B3GALT6: variants seen among roughly 807,000 people sequenced by gnomAD.
B3GALT6 encodes GAG GalTII.
Under a neutral mutation model 23.3 loss-of-function variants are expected in B3GALT6, and 27 were observed. The ratio of observed to expected loss-of-function variants is 1.16; its 90% CI spans 0.85 to 1.60. B3GALT6 has a LOEUF of 1.60. Among genes scored for constraint, B3GALT6 ranks in the 40% most tolerant of loss-of-function variants. The pLI, the probability that B3GALT6 is intolerant of heterozygous loss-of-function variation, is 0.00. For synonymous variants in B3GALT6, 313 were observed against 232.3 expected (o/e 1.35, Z -3.16); for missense variants, 554 against 471.1 (o/e 1.18, Z -1.63).
In B3GALT6 at chr1:1,232,786, C is replaced by T. The variant is rs759484127; in HGVS notation, c.508C>T (p.Leu170=). 28 of 1,376,714 alleles carry T rather than the reference C, an allele frequency of 2.0e-5. 1 individual carries two copies. In the Admixed American group the frequency reaches 3.1e-4, roughly 15 times the overall value. The allele number at this position is 1,376,714 out of a possible 1,614,324, so 85.3% of individuals were successfully genotyped here. The change falls in exon 1 of 1, where the codon CTG becomes TTG. Residue 170 remains leucine (L), a synonymous_variant. Coordinates refer to ENST00000379198, the MANE Select transcript of B3GALT6 (RefSeq NM_080605.4). ...FARLDALLAE[L]RAREPARRRR... ...GCGGCTGGACGCGCTGCTGGCCGAG[C>T]TGCGCGCCCGCGAGCCCGCGCGCCG...
In B3GALT6 at chr1:1,232,515, G is replaced by A; in HGVS notation, c.237G>A (p.Thr79=). The change falls in exon 1 of 1, where the codon ACG becomes ACA. Residue 79 remains threonine (T), a synonymous_variant. Coordinates refer to ENST00000379198, the MANE Select transcript of B3GALT6 (RefSeq NM_080605.4). ...AAERRSVIRS[T]WLARRGAPGD... ...AGCGCCGCAGCGTGATCCGCAGCAC[G>A]TGGCTTGCGCGGCGCGGGGCCCCGG... The A allele has an allele frequency of 8.9e-7, 1 of 1,119,874 alleles. No homozygotes were observed. The highest frequency in any genetic ancestry group is 1.1e-6 in the Non-Finnish European group (1 of 917,516). The allele number at this position is 1,119,874 out of a possible 1,614,324, so 69.4% of individuals were successfully genotyped here.
At position 1,233,596 on chromosome 1, in the gene B3GALT6, A is replaced by G. The variant is rs1271084804; in HGVS notation, c.*328A>G. 1.4e-5 allele frequency: 4 copies of G among 294,286 alleles called. No homozygotes were observed. Among genetic ancestry groups the G allele is most frequent in the Non-Finnish European group, 2.0e-5 (3 of 150,036 alleles). The allele number at this position is 294,286 out of a possible 1,614,324, so 18.2% of individuals were successfully genotyped here. A position where few individuals can be genotyped will look rare whatever the true frequency, so the allele number is the denominator to read the frequency against. ...GTGGCGTTTCTCACGTCTGCGTCTC[A>G]GATCTAACGTGGTTTCACATCAATC... On this transcript the variant is annotated 3_prime_UTR_variant, in exon 1 of 1. Coordinates refer to ENST00000379198, the MANE Select transcript of B3GALT6 (RefSeq NM_080605.4).
In B3GALT6 at chr1:1,232,923, C is replaced by T. The variant is rs1354160280; in HGVS notation, c.645C>T (p.Gly215=). The T allele has an allele frequency of 1.9e-6, 3 of 1,564,976 alleles. No homozygotes were observed. The highest frequency in any genetic ancestry group is 2.6e-6 in the Non-Finnish European group (3 of 1,164,530). ...ACTACTACCTGCCCTACGCGCTGGG[C>T]GGCGGCTACGTGCTCTCGGCCGACC... The part of the protein sequence containing the change: ...LCDYYLPYAL[G]GGYVLSADLV... Residue 215 remains glycine (G), a synonymous_variant, in exon 1 of 1, where the codon GGC becomes GGT. Transcript: ENST00000379198.
At position 1,232,255 on chromosome 1, in the gene B3GALT6, G is replaced by A. The variant is rs1638527033; in HGVS notation, c.-24G>A. Reference sequence around the variant, plus strand: ...CCTGCGCACTCGCGAGTCCGGCCTGGGCCGCCGGCCCGGCGCGGGCGCCAT... The same window carrying A: ...CCTGCGCACTCGCGAGTCCGGCCTGAGCCGCCGGCCCGGCGCGGGCGCCAT... On this transcript the variant is annotated 5_prime_UTR_variant, in exon 1 of 1. Coordinates refer to ENST00000379198, the MANE Select transcript of B3GALT6 (RefSeq NM_080605.4). The A allele has an allele frequency of 1.0e-6, 1 of 980,758 alleles. No individual in the cohort carries two copies. Among genetic ancestry groups the A allele is most frequent in the Non-Finnish European group, 1.2e-6 (1 of 828,260 alleles). 60.8% of individuals were successfully genotyped at this position (980,758 alleles called of 1,614,324 possible).
Position 1,233,338 on chromosome 1 carries a change from C to T in B3GALT6, c.*70C>T, listed in dbSNP as rs1638581165. On this transcript the variant is annotated 3_prime_UTR_variant, in exon 1 of 1. Transcript: ENST00000379198. ...CGCCTTGGGGCAGGTGCCGAGCGGG[C>T]GCACTACGCCCGGGCCCCAAGGCCC... 2.9e-6 allele frequency: 4 copies of T among 1,379,860 alleles called. No individual in the cohort carries two copies. The highest frequency in any genetic ancestry group is 1.6e-5 in the South Asian group (1 of 60,984). The allele number at this position is 1,379,860 out of a possible 1,614,324, so 85.5% of individuals were successfully genotyped here.
rs961857625 is a variant in B3GALT6, at chr1:1,233,536, C to T, written c.*268C>T. 1 of 378,074 alleles carries T rather than the reference C, an allele frequency of 2.6e-6. No individual in the cohort carries two copies. Among genetic ancestry groups the T allele is most frequent in the Admixed American group, 4.7e-5 (1 of 21,120 alleles). 23.4% of individuals were successfully genotyped at this position (378,074 alleles called of 1,614,324 possible). A position where few individuals can be genotyped will look rare whatever the true frequency, so the allele number is the denominator to read the frequency against. ...CCCCGTGCTGTCCCCGACCGGCTCA[C>T]GGGGCTGGGCTCCGATCTTCCGTGT... On this transcript the variant is annotated 3_prime_UTR_variant, in exon 1 of 1. Transcript: ENST00000379198.
rs761368268 is a variant in B3GALT6 at position 1,233,277 on chromosome 1, G to C, written c.*9G>C. On this transcript the variant is annotated 3_prime_UTR_variant, in exon 1 of 1. Transcript: ENST00000379198. ...GGGAGGGCATCCCCTGAGCCGCCGC[G>C]GCCCGGCCCTCCGGGACACCTGCTT... is the stretch of plus-strand genomic sequence containing the variant. 9.7e-6 allele frequency: 14 copies of C among 1,437,944 alleles called. No homozygotes were observed. In the East Asian group the frequency reaches 3.3e-4, roughly 34 times the overall value. The allele number at this position is 1,437,944 out of a possible 1,614,324, so 89.1% of individuals were successfully genotyped here. A position where few individuals can be genotyped will look rare whatever the true frequency, so the allele number is the denominator to read the frequency against.
At position 1,233,099 on chromosome 1, in the gene B3GALT6, A is replaced by G. The variant is rs1379717931; in HGVS notation, c.821A>G (p.Gln274Arg). Residue 274 changes from glutamine to arginine, a missense_variant, in exon 1 of 1, where the codon CAG (glutamine) becomes CGG (arginine). Gln to Arg is a conservative substitution (Grantham distance 43). Coordinates refer to ENST00000379198, the MANE Select transcript of B3GALT6 (RefSeq NM_080605.4). ...TACCGGTCCCGCGGCTGCAGCAACC[A>G]GTACCTGGTGACGCACAAGCAGAGC... Reference protein sequence around the residue: ...TEYRSRGCSNQYLVTHKQSLE... With the variant: ...TEYRSRGCSNRYLVTHKQSLE... 6.4e-7 allele frequency: 1 copy of G among 1,563,376 alleles called. No homozygotes were observed. The highest frequency in any genetic ancestry group is 1.2e-5 in the South Asian group (1 of 85,908).
Position 1,233,426 on chromosome 1 carries a change from T to G in B3GALT6, c.*158T>G. ...TCTGCGTTTGGGAGACCCCTGGGGG[T>G]TGCCGGGGCAGCGCGCCGTGTCCAG... On this transcript the variant is annotated 3_prime_UTR_variant, in exon 1 of 1. Transcript: ENST00000379198. 9.9e-7 allele frequency: 1 copy of G among 1,014,704 alleles called. No individual in the cohort carries two copies. Among genetic ancestry groups the G allele is most frequent in the Non-Finnish European group, 1.3e-6 (1 of 755,478 alleles). The allele number at this position is 1,014,704 out of a possible 1,614,324, so 62.9% of individuals were successfully genotyped here. A position where few individuals can be genotyped will look rare whatever the true frequency, so the allele number is the denominator to read the frequency against.
Position 1,233,317 on chromosome 1 carries a change from T to C in B3GALT6, c.*49T>C, listed in dbSNP as rs1638580570. ...GACACCTGCTTCACCCGGCGGCGCC[T>C]TGGGGCAGGTGCCGAGCGGGCGCAC... On this transcript the variant is annotated 3_prime_UTR_variant, in exon 1 of 1. Transcript: ENST00000379198. 3 of 1,398,864 alleles carry C rather than the reference T, an allele frequency of 2.1e-6. No homozygotes were observed. The highest frequency in any genetic ancestry group is 2.8e-6 in the Non-Finnish European group (3 of 1,084,268). The allele number at this position is 1,398,864 out of a possible 1,614,324, so 86.7% of individuals were successfully genotyped here.
Position 1,232,435 on chromosome 1 carries a change from G to T in B3GALT6, c.157G>T (p.Ala53Ser). Residue 53 changes from alanine (A) to serine (S), a missense_variant, in exon 1 of 1, where the codon GCG (alanine) becomes TCG (serine). By Grantham distance (99) the Ala-to-Ser change is moderately conservative (BLOSUM62 1). Transcript: ENST00000379198. ...CCGCAGCCCGCCTCCCCCCGCGCCC[G>T]CGCGCGCCGCCGCCTTCCTGGCAGT... ...SGRSPPPPAP[A>S]RAAAFLAVLV... 12 of 993,400 alleles carry T rather than the reference G, an allele frequency of 1.2e-5. No individual in the cohort carries two copies. Among genetic ancestry groups the T allele is most frequent in the Non-Finnish European group, 1.4e-5 (12 of 837,024 alleles). 61.5% of individuals were successfully genotyped at this position (993,400 alleles called of 1,614,324 possible).
At position 1,233,344 on chromosome 1, in the gene B3GALT6, A is replaced by AG; in HGVS notation, c.*76_*77insG. ...GGGGCAGGTGCCGAGCGGGCGCACT[A>AG]CGCCCGGGCCCCAAGGCCCCCGTCC... On this transcript the variant is annotated 3_prime_UTR_variant, in exon 1 of 1. Transcript: ENST00000379198. 1 of 1,371,630 alleles carries AG rather than the reference A, an allele frequency of 7.3e-7. No homozygotes were observed. The highest frequency in any genetic ancestry group is 1.7e-5 in the South Asian group (1 of 60,320). The allele number at this position is 1,371,630 out of a possible 1,614,324, so 85.0% of individuals were successfully genotyped here.
chr1:1,232,942 G>T lies in B3GALT6; in HGVS notation c.664G>T (p.Ala222Ser). ...GCTGGGCGGCGGCTACGTGCTCTCG[G>T]CCGACCTGGTGCACTACCTGCGCCT... The part of the protein sequence containing the change: ...YALGGGYVLS[A>S]DLVHYLRLSR... Residue 222 changes from alanine to serine, a missense_variant, in exon 1 of 1, where the codon GCC becomes TCC. By Grantham distance (99) the Ala-to-Ser change is moderately conservative (BLOSUM62 1). Transcript: ENST00000379198. 1 of 1,564,978 alleles carries T rather than the reference G, an allele frequency of 6.4e-7. No homozygotes were observed.
At position 1,233,429 on chromosome 1, in the gene B3GALT6, C is replaced by T; in HGVS notation, c.*161C>T. 1.0e-6 allele frequency: 1 copy of T among 997,242 alleles called. No homozygotes were observed. Among genetic ancestry groups the T allele is most frequent in the Non-Finnish European group, 1.4e-6 (1 of 739,606 alleles). 61.8% of individuals were successfully genotyped at this position (997,242 alleles called of 1,614,324 possible). A position where few individuals can be genotyped will look rare whatever the true frequency, so the allele number is the denominator to read the frequency against. ...GCGTTTGGGAGACCCCTGGGGGTTGCCGGGGCAGCGCGCCGTGTCCAGGTG... is the reference window on the plus strand; with the variant it reads ...GCGTTTGGGAGACCCCTGGGGGTTGTCGGGGCAGCGCGCCGTGTCCAGGTG... On this transcript the variant is annotated 3_prime_UTR_variant, in exon 1 of 1. Transcript: ENST00000379198.
chr1:1,232,900 T>C lies in B3GALT6; in HGVS notation c.622T>C (p.Tyr208His), dbSNP rs1638560252. The C allele has an allele frequency of 1.9e-6, 3 of 1,561,282 alleles. No homozygotes were observed. Among genetic ancestry groups the C allele is most frequent in the Admixed American group, 1.8e-5 (1 of 54,608 alleles). ...WREAAWQLCD[Y>H]YLPYALGGGY... ...CGAGGCCGCCTGGCAACTCTGCGAC[T>C]ACTACCTGCCCTACGCGCTGGGCGG... Residue 208 changes from tyrosine to histidine, a missense_variant, in exon 1 of 1, where the codon TAC becomes CAC. Transcript: ENST00000379198.
chr1:1,233,332 AGCG>A lies in B3GALT6; in HGVS notation c.*66_*68del. 7.2e-7 allele frequency: 1 copy of A among 1,389,568 alleles called. No homozygotes were observed. Among genetic ancestry groups the A allele is most frequent in the Non-Finnish European group, 9.3e-7 (1 of 1,078,932 alleles). The allele number at this position is 1,389,568 out of a possible 1,614,324, so 86.1% of individuals were successfully genotyped here. A position where few individuals can be genotyped will look rare whatever the true frequency, so the allele number is the denominator to read the frequency against. On this transcript the variant is annotated 3_prime_UTR_variant, in exon 1 of 1. Transcript: ENST00000379198. ...CGGCGGCGCCTTGGGGCAGGTGCCG[AGCG>A]GGCGCACTACGCCCGGGCCCCAAGG...
In B3GALT6 at chr1:1,232,978, T is replaced by C. The variant is rs1638564382; in HGVS notation, c.700T>C (p.Tyr234His). ...GCACTACCTGCGCCTCAGCCGCGAC[T>C]ACCTGCGCGCCTGGCACAGCGAGGA... The part of the protein sequence containing the change: ...LVHYLRLSRD[Y>H]LRAWHSEDVS... Residue 234 changes from tyrosine to histidine, a missense_variant, in exon 1 of 1, where the codon TAC (tyrosine) becomes CAC (histidine). Transcript: ENST00000379198. 2 of 1,563,832 alleles carry C rather than the reference T, an allele frequency of 1.3e-6. No homozygotes were observed. Among genetic ancestry groups the C allele is most frequent in the Admixed American group, 1.8e-5 (1 of 55,426 alleles).
rs1284202514 is a variant in B3GALT6, at chr1:1,233,150, C to G, written c.872C>G (p.Ala291Gly). ...QSLEDMLEKHATLAREGRLCK... is the reference protein window; with the variant it reads ...QSLEDMLEKHGTLAREGRLCK... ...CTGGAGGACATGCTGGAGAAGCACGCGACGCTGGCGCGCGAGGGCCGCCTG... is the reference window on the plus strand; with the variant it reads ...CTGGAGGACATGCTGGAGAAGCACGGGACGCTGGCGCGCGAGGGCCGCCTG... Residue 291 changes from alanine to glycine, a missense_variant, in exon 1 of 1, where the codon GCG becomes GGG. By Grantham distance (60) the Ala-to-Gly change is moderately conservative. Coordinates refer to ENST00000379198, the MANE Select transcript of B3GALT6 (RefSeq NM_080605.4). 3 of 1,551,512 alleles carry G rather than the reference C, an allele frequency of 1.9e-6. No homozygotes were observed. The highest frequency in any genetic ancestry group is 2.6e-6 in the Non-Finnish European group (3 of 1,153,256).
chr1:1,233,263 C>T lies in B3GALT6; in HGVS notation c.985C>T (p.Pro329Ser), dbSNP rs1638578638. ...SQCCQRREGI[P>S] ...GTGCTGCCAGAGAAGGGAGGGCATC[C>T]CCTGAGCCGCCGCGGCCCGGCCCTC... The change falls in exon 1 of 1, where the codon CCC becomes TCC. Residue 329 changes from proline (P) to serine (S), a missense_variant. By Grantham distance (74) the Pro-to-Ser change is moderately conservative (BLOSUM62 -1). Coordinates refer to ENST00000379198, the MANE Select transcript of B3GALT6 (RefSeq NM_080605.4). 1.4e-6 allele frequency: 2 copies of T among 1,456,756 alleles called. No individual in the cohort carries two copies. Among genetic ancestry groups the T allele is most frequent in the Non-Finnish European group, 1.8e-6 (2 of 1,106,342 alleles). The allele number at this position is 1,456,756 out of a possible 1,614,324, so 90.2% of individuals were successfully genotyped here. A position where few individuals can be genotyped will look rare whatever the true frequency, so the allele number is the denominator to read the frequency against.
Sources: allele counts gnomAD v4.1 joint callset, GRCh38; gene constraint gnomAD v4.1.1; transcripts MANE v1.5; gene names NCBI Gene and HGNC (gene_info 2026-07-23, HGNC 2026-07-21).